The following MARCHF3 variants were observed in gnomAD, a reference collection of about 807,000 sequenced individuals.
The protein encoded by MARCHF3 is E3 ubiquitin-protein ligase MARCHF3.
In MARCHF3, 13 loss-of-function variants were observed where a neutral mutation model predicts 24.2. The observed-to-expected ratio is 0.54, with a 90% CI of 0.35 to 0.85. The LOEUF is 0.85. MARCHF3 is among the 40% of genes least tolerant of loss of function. The pLI, the probability that MARCHF3 is intolerant of heterozygous loss-of-function variation, is 0.01. For missense variants in MARCHF3, 276 were observed against 325.0 expected, an observed-to-expected ratio of 0.85 and a Z score of 1.16; for synonymous variants, 144 against 137.3, an observed-to-expected ratio of 1.05 and a Z score of -0.34.
In MARCHF3 at chr5:127,005,637, G is replaced by A. The variant is rs536935776; in HGVS notation, c.-57+24713C>T. Among the ~76,000 whole-genome samples, 49 of 152,160 alleles carry A rather than the reference G, an allele frequency of 3.2e-4. 2 individuals carry two copies. In the South Asian group the frequency reaches 9.5e-3, roughly 30 times the overall value. ...GTGCATCATTTTTTCTGAGAAGTGA[G>A]TATATATCTTTTATTGTCTCAAAGG... On this transcript the variant is annotated intron_variant, in intron 1 of 4. Transcript: ENST00000308660.
At chr5:127,015,522 A>G (rs1489490679) in intron 1 of MARCHF3, among the ~76,000 whole-genome samples, 1 of 152,222 alleles carries the variant, frequency 6.6e-6, no homozygotes, top group African/African-American at 2.4e-5. Flanking sequence ...AAAGAAAAAA[A>G]CACAAAAGCA....
At chr5:126,954,912 G>A (rs1015851312) in intron 1 of MARCHF3, among the ~76,000 whole-genome samples, 3 of 151,558 alleles carry the variant, frequency 2.0e-5, no homozygotes, top group African/African-American at 7.3e-5. Context: ...CTTCCCAGAG[G>A]CAACTGGCAT....
At chr5:126,966,360 T>A (rs1397744962) in intron 1 of MARCHF3, among the ~76,000 whole-genome samples, 6 of 152,126 alleles carry the variant, frequency 3.9e-5, no homozygotes, top group Non-Finnish European at 7.4e-5. Context: ...GTTGATTTTT[T>A]AAAAAATATA....
chr5:127,003,290 A>T (rs1195033769), intron 1 of MARCHF3, among the ~76,000 whole-genome samples: 1 of 137,908 alleles, frequency 7.3e-6, no homozygotes, highest in African/African-American at 2.7e-5. Context: ...CCACAGTGAA[A>T]ACCCGTCTCT....
chr5:127,014,238 G>C (rs955029189), intron 1 of MARCHF3, among the ~76,000 whole-genome samples: 2 of 152,004 alleles, frequency 1.3e-5, no homozygotes, highest in Non-Finnish European at 2.9e-5. Context: ...TGAGCCAACA[G>C]GTATATGGAA....
intron 1 of MARCHF3, among the ~76,000 whole-genome samples, chr5:126,985,467 TTTTA>T (rs1411054507): frequency 2.6e-4 from 39 of 148,068 alleles, no homozygotes; most frequent in African/African-American, 9.2e-4. Flanking sequence ...CTGGATGAAC[TTTTA>T]TTTTTTTTTT....
At chr5:126,952,602 C>T (rs893072148) in intron 1 of MARCHF3, among the ~76,000 whole-genome samples, 16 of 152,194 alleles carry the variant, frequency 1.1e-4, no homozygotes, top group Non-Finnish European at 1.6e-4. Context: ...TCCCTCCTTT[C>T]CCCACGTTTT....
chr5:126,929,610 T>C (rs1749416377), intron 1 of MARCHF3, among the ~76,000 whole-genome samples: 1 of 152,256 alleles, frequency 6.6e-6, no homozygotes, highest in Non-Finnish European at 1.5e-5. Context: ...AATTCTTTCC[T>C]ATGATAGCCA....
intron 1 of MARCHF3, among the ~76,000 whole-genome samples, chr5:126,929,882 T>C (rs1473135470): frequency 2.0e-5 from 3 of 152,334 alleles, no homozygotes; most frequent in East Asian, 1.9e-4. Context: ...AGAGTTCCCC[T>C]GCACATGCTC....
intron 1 of MARCHF3, among the ~76,000 whole-genome samples, chr5:126,978,608 T>C (rs896297050): frequency 2.6e-5 from 4 of 152,218 alleles, no homozygotes; most frequent in African/African-American, 9.6e-5. Flanking sequence ...GTTACAGGCA[T>C]ATCAGCATTA....
Position 126,888,027 on chromosome 5 carries a change from C to T in MARCHF3, c.394-9633G>A, listed in dbSNP as rs56298765. ...GATTCTTCTGGCCTGTCCACAGCTA[C>T]GTTCCTGTTTCTTAAATATCTAATT... On this transcript the variant is annotated intron_variant, in intron 3 of 4. Transcript: ENST00000308660. Among the ~76,000 whole-genome samples the T allele has an allele frequency of 8.5e-3, 1,300 of 152,280 alleles. 18 individuals carry two copies. Among genetic ancestry groups the T allele is most frequent in the East Asian group, 0.025 (128 of 5,186 alleles).
chr5:126,963,062 G>A (rs1303404120), intron 1 of MARCHF3, among the ~76,000 whole-genome samples: 3 of 151,924 alleles, frequency 2.0e-5, no homozygotes, highest in Admixed American at 2.0e-4. Flanking sequence ...ACCTATCACT[G>A]CTTATAGCAT....
intron 1 of MARCHF3, among the ~76,000 whole-genome samples, chr5:126,957,377 A>C (rs949301408): frequency 1.3e-5 from 2 of 152,294 alleles, no homozygotes; most frequent in East Asian, 3.9e-4. Flanking sequence ...TTAGAAGTTA[A>C]ACCTATCAAT....
At chr5:126,930,420 T>A (rs1749443581) in intron 1 of MARCHF3, among the ~76,000 whole-genome samples, 1 of 152,250 alleles carries the variant, frequency 6.6e-6, no homozygotes, top group African/African-American at 2.4e-5. Flanking sequence ...TGGTGCCACT[T>A]GCCCCTGCAG....
In MARCHF3 at chr5:127,010,917, GAA is replaced by G. The variant is rs373420930; in HGVS notation, c.-57+19431_-57+19432del. Among the ~76,000 whole-genome samples, 43 of 152,198 alleles carry G rather than the reference GAA, an allele frequency of 2.8e-4. No homozygotes were observed. In the East Asian group the frequency reaches 6.6e-3, roughly 23 times the overall value. On this transcript the variant is annotated intron_variant, in intron 1 of 4. Transcript: ENST00000308660. ...TAGGAGCTTGGGAGTTTTGTAAGAT[GAA>G]AAGAGTTCTGTAGATGGATGGTGGT...
chr5:126,930,606 T>C (rs985974539), intron 1 of MARCHF3, among the ~76,000 whole-genome samples: 2 of 152,192 alleles, frequency 1.3e-5, no homozygotes, highest in East Asian at 1.9e-4. Flanking sequence ...GCAGGTGCCA[T>C]GTGGCAGAAC....
chr5:126,927,226 A>C (rs1249125707), intron 1 of MARCHF3, among the ~76,000 whole-genome samples: 1 of 152,194 alleles, frequency 6.6e-6, no homozygotes, highest in African/African-American at 2.4e-5. Flanking sequence ...AAGCACAAGA[A>C]CAAAGTAACA....
At chr5:126,887,070 T>C (rs1753532125) in intron 3 of MARCHF3, among the ~76,000 whole-genome samples, 2 of 152,340 alleles carry the variant, frequency 1.3e-5, no homozygotes, top group African/African-American at 4.8e-5. Flanking sequence ...CCTGTTATCC[T>C]AGAATCCAGT....
intron 1 of MARCHF3, among the ~76,000 whole-genome samples, chr5:126,998,032 C>T (rs1752003781): frequency 6.6e-6 from 1 of 152,092 alleles, no homozygotes; most frequent in Non-Finnish European, 1.5e-5. Flanking sequence ...AGAATATTAC[C>T]CTATCACTAA....
Sources: gnomAD v4.1 joint callset for allele counts (sites outside exome capture counted in the v4.1 genomes callset) on GRCh38, gnomAD v4.1.1 for gene constraint, MANE v1.5 for transcripts, NCBI Gene and HGNC (gene_info 2026-07-23, HGNC 2026-07-21) for gene names.